Variants in HSD17B12 observed in about 807,000 individuals in gnomAD.
HSD17B12 encodes the protein very-long-chain 3-oxoacyl-CoA reductase.
A neutral mutation model predicts 39.3 loss-of-function variants in HSD17B12; 32 were observed. The ratio of observed to expected loss-of-function variants is 0.81; its 90% confidence interval spans 0.61 to 1.09. The LOEUF is 1.09. Among genes scored for constraint, HSD17B12 ranks in the 50% least tolerant of loss-of-function variants. The pLI is 0.00. For missense variants in HSD17B12, 342 were observed against 382.9 expected (o/e 0.89, Z 0.89); for synonymous variants, 150 against 146.7 (o/e 1.02, Z -0.16).
chr11:43,757,653 A>AC lies in HSD17B12; in HGVS notation c.283+3532_283+3533insC, dbSNP rs1192209691. Among the ~76,000 whole-genome samples, 237 of 143,166 alleles carry AC rather than the reference A, an allele frequency of 1.7e-3. 6 individuals carry two copies. Among genetic ancestry groups the AC allele is most frequent in the Non-Finnish European group, 1.9e-3 (123 of 65,654 alleles). 93.9% of individuals were successfully genotyped at this position (143,166 alleles called of 152,430 possible). On this transcript the variant is annotated intron_variant, in intron 3 of 10. Transcript: ENST00000278353. ...AGACTCCGTCTCAAAAAAAAAAAAA[A>AC]AAAAAAAAAAAAAACAAATAGGTAA... is the stretch of plus-strand genomic sequence containing the variant.
the HSD17B12 span, among the ~76,000 whole-genome samples, chr11:43,616,470 C>G: frequency 1.4e-5 from 2 of 143,464 alleles, no homozygotes; most frequent in Non-Finnish European, 3.1e-5. Context: ...TCATTTAAAA[C>G]TTAAAACAAA....
the HSD17B12 span, among the ~76,000 whole-genome samples, chr11:43,655,176 G>A: frequency 2.0e-5 from 3 of 152,136 alleles, no homozygotes; most frequent in Admixed American, 1.3e-4. Context: ...AATTGTGATT[G>A]GGAGTTCACT....
intron 1 of HSD17B12, among the ~76,000 whole-genome samples, chr11:43,726,741 AATATTATG>A (rs1278773342): frequency 6.6e-6 from 1 of 152,252 alleles, no homozygotes; most frequent in Non-Finnish European, 1.5e-5. Flanking sequence ...TTATAGAACA[AATATTATG>A]ATATGTGCTG....
the HSD17B12 span, among the ~76,000 whole-genome samples, chr11:43,558,292 G>T: frequency 2.6e-5 from 4 of 152,112 alleles, no homozygotes; most frequent in Non-Finnish European, 2.9e-5. Flanking sequence ...GTCTGAAAAG[G>T]TTGAAAAGAT....
At chr11:43,837,122 G>A (rs182986548) in intron 7 of HSD17B12, among the ~76,000 whole-genome samples, 1 of 152,300 alleles carries the variant, frequency 6.6e-6, no homozygotes, top group East Asian at 1.9e-4. Flanking sequence ...GATGGTTGAA[G>A]TGGCATCTCA....
chr11:43,846,492 C>T (rs549036782), intron 9 of HSD17B12, among the ~76,000 whole-genome samples: 20 of 152,174 alleles, frequency 1.3e-4, no homozygotes, highest in African/African-American at 4.8e-4. Context: ...GGCGAAATCC[C>T]GTCTCTCCTA....
At chr11:43,801,215 A>G (rs912940534) in intron 4 of HSD17B12, among the ~76,000 whole-genome samples, 1 of 152,168 alleles carries the variant, frequency 6.6e-6, no homozygotes, top group Non-Finnish European at 1.5e-5. Flanking sequence ...CATGAAACAA[A>G]ATAATTATCT....
chr11:43,621,439 G>A, the HSD17B12 span, among the ~76,000 whole-genome samples: 2 of 152,122 alleles, frequency 1.3e-5, no homozygotes, highest in African/African-American at 4.8e-5. Flanking sequence ...TTTCAGCTGG[G>A]CACAGTGGCT....
At chr11:43,774,058 C>G (rs1006270734) in intron 3 of HSD17B12, among the ~76,000 whole-genome samples, 2 of 152,118 alleles carry the variant, frequency 1.3e-5, no homozygotes, top group African/African-American at 4.8e-5. Context: ...TAGGAATGAT[C>G]TAAGTGGGCT....
chr11:43,694,845 C>G (rs1590666332), intron 1 of HSD17B12, among the ~76,000 whole-genome samples: 1 of 151,970 alleles, frequency 6.6e-6, no homozygotes, highest in East Asian at 1.9e-4. Flanking sequence ...AGCATGGGAC[C>G]ATGTATTTTT....
At chr11:43,573,917 C>A in the HSD17B12 span, among the ~76,000 whole-genome samples, 1 of 152,340 alleles carries the variant, frequency 6.6e-6, no homozygotes, top group South Asian at 2.1e-4. Context: ...CATCTGGCCA[C>A]ATTTGATGAC....
the HSD17B12 span, among the ~76,000 whole-genome samples, chr11:43,626,076 TG>T: frequency 1.3e-5 from 2 of 151,718 alleles, no homozygotes; most frequent in East Asian, 3.9e-4. Flanking sequence ...GTTACTAAGA[TG>T]GTATTAATTG....
chr11:43,777,227 C>T (rs1950715354), intron 3 of HSD17B12, among the ~76,000 whole-genome samples: 1 of 152,174 alleles, frequency 6.6e-6, no homozygotes, highest in Admixed American at 6.5e-5. Flanking sequence ...ATTGGTTCTT[C>T]CCACCCATGA....
intron 1 of HSD17B12, among the ~76,000 whole-genome samples, chr11:43,721,645 G>A (rs1227194197): frequency 1.3e-5 from 2 of 152,072 alleles, no homozygotes; most frequent in Non-Finnish European, 2.9e-5. Flanking sequence ...GTTCCAGGCA[G>A]AGGAAAAAGC....
At chr11:43,663,186 C>T in the HSD17B12 span, among the ~76,000 whole-genome samples, 2 of 152,094 alleles carry the variant, frequency 1.3e-5, no homozygotes, top group South Asian at 2.1e-4. Context: ...TGCAACCTCC[C>T]GTTTCCGGAT....
At chr11:43,790,850 A>G (rs1590303083) in intron 3 of HSD17B12, among the ~76,000 whole-genome samples, 1 of 151,970 alleles carries the variant, frequency 6.6e-6, no homozygotes, top group East Asian at 1.9e-4. Context: ...AAAAATTAAC[A>G]GGGCATGGTA....
the HSD17B12 span, among the ~76,000 whole-genome samples, chr11:43,647,509 C>T: frequency 2.1e-5 from 3 of 145,328 alleles, no homozygotes; most frequent in Non-Finnish European, 4.5e-5. Context: ...AACTTCTTGC[C>T]CCAAGTGATC....
At chr11:43,594,586 C>T in the HSD17B12 span, among the ~76,000 whole-genome samples, 1 of 150,304 alleles carries the variant, frequency 6.7e-6, no homozygotes, top group Non-Finnish European at 1.5e-5. Context: ...GATCTCAAAG[C>T]TGTGCTGCTC....
chr11:43,577,731 G>A, the HSD17B12 span, among the ~76,000 whole-genome samples: 2,693 of 152,274 alleles, frequency 0.018, 46 homozygotes, highest in Non-Finnish European at 0.028. Context: ...TGAGTTGGTG[G>A]AATTAGTGAA....
Sources: gnomAD v4.1 joint callset for allele counts (sites outside exome capture counted in the v4.1 genomes callset) on GRCh38, gnomAD v4.1.1 for gene constraint, MANE v1.5 for transcripts, NCBI Gene and HGNC (gene_info 2026-07-23, HGNC 2026-07-21) for gene names.